Variants in STK32B observed in about 807,000 individuals in gnomAD.
STK32B encodes the protein serine/threonine kinase 32B.
In STK32B, 43 loss-of-function variants were observed where a neutral mutation model predicts 52.6. That is an observed-to-expected ratio of 0.82 (90% confidence interval 0.64 to 1.05). STK32B has a LOEUF of 1.05. Ranked by LOEUF, STK32B falls within the 50% of genes least tolerant of loss-of-function variation. The pLI is 0.00. For synonymous variants in STK32B, 238 were observed against 204.3 expected (o/e 1.17, Z -1.41); for missense variants, 621 against 534.6 (o/e 1.16, Z -1.59).
chr4:5,494,792 G>A (rs6446364), intron 11 of STK32B, among the ~76,000 whole-genome samples: 6,272 of 152,130 alleles, frequency 0.041, 424 homozygotes, highest in African/African-American at 0.14. Flanking sequence ...ATCTCTCAGC[G>A]TTTGCTTGTC....
chr4:5,194,586 T>A (rs891253057), intron 3 of STK32B, among the ~76,000 whole-genome samples: 1 of 152,166 alleles, frequency 6.6e-6, no homozygotes, highest in Non-Finnish European at 1.5e-5. Flanking sequence ...GGAATTCTCC[T>A]TAGTTTTTAT....
At chr4:5,122,370 T>C (rs1447769260) in intron 1 of STK32B, among the ~76,000 whole-genome samples, 1 of 43,594 alleles carries the variant, frequency 2.3e-5, no homozygotes, top group Non-Finnish European at 5.3e-5. Context: ...GTTCACTCAT[T>C]CACTCATTCA....
chr4:5,392,504 T>C lies in STK32B; in HGVS notation c.435-5703T>C, dbSNP rs149856114. Among the ~76,000 whole-genome samples the C allele has an allele frequency of 3.8e-3, 572 of 152,334 alleles. 7 individuals carry two copies. Among genetic ancestry groups the C allele is most frequent in the African/African-American group, 0.013 (557 of 41,566 alleles). ...TGTTCCTCAGATTATTACTGCCTAC[T>C]TTAGAATTCTGGGAACCCCAATTTA... On this transcript the variant is annotated intron_variant, in intron 4 of 11. Transcript: ENST00000282908.
At chr4:5,251,937 A>G (rs1276850878) in intron 3 of STK32B, among the ~76,000 whole-genome samples, 1 of 152,164 alleles carries the variant, frequency 6.6e-6, no homozygotes, top group Non-Finnish European at 1.5e-5. Flanking sequence ...CAGGTAATGC[A>G]GGGGTAGAAC....
At chr4:5,472,576 T>C (rs1056037747) in intron 11 of STK32B, among the ~76,000 whole-genome samples, 1 of 152,168 alleles carries the variant, frequency 6.6e-6, no homozygotes, top group African/African-American at 2.4e-5. Flanking sequence ...GCAGGGCTGA[T>C]TTTTCCAAGA....
intron 4 of STK32B, among the ~76,000 whole-genome samples, chr4:5,346,862 G>A (rs972067825): frequency 6.6e-6 from 1 of 152,218 alleles, no homozygotes; most frequent in African/African-American, 2.4e-5. Context: ...TCATGGCCGG[G>A]TAGGCCTCAG....
chr4:5,030,120 A>C, the STK32B span, among the ~76,000 whole-genome samples: 1 of 152,320 alleles, frequency 6.6e-6, no homozygotes, highest in East Asian at 1.9e-4. Context: ...TTTCCTTTAT[A>C]AATTACCCAG....
At chr4:5,414,217 T>C (rs935328626) in intron 5 of STK32B, among the ~76,000 whole-genome samples, 82 of 152,144 alleles carry the variant, frequency 5.4e-4, no homozygotes, top group African/African-American at 1.8e-3. Context: ...TTTAGAATTT[T>C]TTTCAGATGT....
chr4:5,133,379 A>T (rs779202597), intron 1 of STK32B, among the ~76,000 whole-genome samples: 1 of 152,148 alleles, frequency 6.6e-6, no homozygotes, highest in Admixed American at 6.5e-5. Flanking sequence ...TTCTGTGTAA[A>T]CATCAACAAT....
At chr4:5,231,710 A>G (rs749763737) in intron 3 of STK32B, among the ~76,000 whole-genome samples, 23 of 152,290 alleles carry the variant, frequency 1.5e-4, no homozygotes, top group South Asian at 6.2e-4. Context: ...GTTGGAAAAG[A>G]AAAAAACTGA....
chr4:5,268,690 T>C (rs779948978), intron 3 of STK32B, among the ~76,000 whole-genome samples: 1 of 152,046 alleles, frequency 6.6e-6, no homozygotes, highest in Non-Finnish European at 1.5e-5. Flanking sequence ...TTCTGTCCTG[T>C]TCACGATATA....
At position 5,305,713 on chromosome 4, in the gene STK32B, C is replaced by T. The variant is rs138914674; in HGVS notation, c.261-25507C>T. Among the ~76,000 whole-genome samples the T allele has an allele frequency of 7.6e-4, 115 of 152,054 alleles. 2 individuals carry two copies. In the East Asian group the frequency reaches 0.016, roughly 21 times the overall value. ...TGTTTCCATTTTATTTAGTTCTGCT[C>T]GGATCTTGGCTATTTCTTTTCCTTT... On this transcript the variant is annotated intron_variant, in intron 3 of 11. Coordinates refer to ENST00000282908, the MANE Select transcript of STK32B (RefSeq NM_018401.3).
chr4:5,141,790 C>T (rs960055971), intron 2 of STK32B, among the ~76,000 whole-genome samples: 1 of 152,112 alleles, frequency 6.6e-6, no homozygotes, highest in Non-Finnish European at 1.5e-5. Context: ...CTGATGTCAT[C>T]ACAGGTCTGG....
the STK32B span, among the ~76,000 whole-genome samples, chr4:5,026,734 C>G: frequency 6.6e-6 from 1 of 152,164 alleles, no homozygotes; most frequent in African/African-American, 2.4e-5. Context: ...AGACTATCAC[C>G]TCTCCTGCCT....
At chr4:5,124,612 G>A (rs1310599151) in intron 1 of STK32B, among the ~76,000 whole-genome samples, 1 of 152,136 alleles carries the variant, frequency 6.6e-6, no homozygotes, top group Non-Finnish European at 1.5e-5. Flanking sequence ...AGATATAAAG[G>A]GTCTCAATGA....
chr4:5,173,307 G>C (rs531571075), intron 3 of STK32B, among the ~76,000 whole-genome samples: 3 of 152,018 alleles, frequency 2.0e-5, no homozygotes, highest in African/African-American at 7.2e-5. Flanking sequence ...ATTTCCTTCA[G>C]TTCTGCTCTG....
intron 4 of STK32B, among the ~76,000 whole-genome samples, chr4:5,337,145 A>G (rs113116321): frequency 6.5e-4 from 93 of 143,022 alleles, no homozygotes; most frequent in African/African-American, 2.4e-3. Context: ...TCCCTGGCCA[A>G]TTTTTTTTTT....
intron 3 of STK32B, among the ~76,000 whole-genome samples, chr4:5,250,759 G>A (rs1467715153): frequency 6.6e-6 from 1 of 152,096 alleles, no homozygotes; most frequent in Non-Finnish European, 1.5e-5. Context: ...TAGCCATTCT[G>A]ACTGGTGTGA....
chr4:5,067,209 G>T (rs1304802150), intron 1 of STK32B, among the ~76,000 whole-genome samples: 1 of 152,202 alleles, frequency 6.6e-6, no homozygotes, highest in Non-Finnish European at 1.5e-5. Flanking sequence ...CAGATCTCAT[G>T]AGACTTATTC....
Sources: gnomAD v4.1 joint callset for allele counts (sites outside exome capture counted in the v4.1 genomes callset) on GRCh38, gnomAD v4.1.1 for gene constraint, MANE v1.5 for transcripts, NCBI Gene and HGNC (gene_info 2026-07-23, HGNC 2026-07-21) for gene names.